The following DOCK1 variants were observed in gnomAD, a reference collection of about 807,000 sequenced individuals.
DOCK1 encodes the protein dedicator of cytokinesis protein 1.
In DOCK1, 138 loss-of-function variants were observed where a neutral mutation model predicts 262.7. That is an observed-to-expected ratio of 0.53 (90% CI 0.46 to 0.61). The LOEUF is 0.61. Ranked by LOEUF, DOCK1 falls within the 20% of genes least tolerant of loss-of-function variation. The pLI, the probability that DOCK1 is intolerant of heterozygous loss-of-function variation, is 0.00. For synonymous variants in DOCK1, 866 were observed against 867.4 expected (o/e 1.00, Z 0.03); for missense variants, 1,908 against 2,370.7 (o/e 0.80, Z 4.05).
At chr10:127,250,860 G>A (rs2059610484) in intron 28 of DOCK1, among the ~76,000 whole-genome samples, 1 of 148,994 alleles carries the variant, frequency 6.7e-6, no homozygotes, top group Admixed American at 6.7e-5. Flanking sequence ...ATTTAGACTG[G>A]AAAGTATGTG....
At chr10:127,292,848 G>A (rs927561762) in intron 29 of DOCK1, among the ~76,000 whole-genome samples, 1 of 152,116 alleles carries the variant, frequency 6.6e-6, no homozygotes, top group Non-Finnish European at 1.5e-5. Context: ...TCAACCCGCC[G>A]AGAGCTGATA....
At chr10:127,447,256 T>C in intron 50 of DOCK1, 138 bp from the exon 51 acceptor site, 2 of 1,268,264 alleles carry the variant, frequency 1.6e-6, no homozygotes, top group African/African-American at 1.5e-5. Flanking sequence ...CCTCATCTGC[T>C]CTGTTGACAA....
rs766127221 is a variant in DOCK1, at chr10:127,433,397, G to C, written c.5029G>C (p.Asp1677His). The C allele has an allele frequency of 1.9e-6, 3 of 1,613,936 alleles. No individual in the cohort carries two copies. Among genetic ancestry groups the C allele is most frequent in the Non-Finnish European group, 2.5e-6 (3 of 1,179,886 alleles). ...SVASVSSLSS[D>H]STPSRPGSDG... ...GGCCTCTGTCTCTTCCCTCTCATCG[G>C]ACAGCACCCCTTCCAGACCAGGCTC... Residue 1677 changes from aspartate (D) to histidine (H), a missense_variant, in exon 48 of 52, where the codon GAC (aspartate) becomes CAC (histidine). Coordinates refer to ENST00000623213, the MANE Select transcript of DOCK1 (RefSeq NM_001290223.2).
intron 29 of DOCK1, among the ~76,000 whole-genome samples, chr10:127,263,993 C>G (rs1222299798): frequency 6.6e-6 from 1 of 152,122 alleles, no homozygotes; most frequent in Non-Finnish European, 1.5e-5. Context: ...TCGAAGAAAC[C>G]GTTTCTTATT....
At chr10:127,312,031 ATTTTTGTATTT>A (rs1353790279) in intron 29 of DOCK1, among the ~76,000 whole-genome samples, 1 of 151,762 alleles carries the variant, frequency 6.6e-6, no homozygotes, top group Non-Finnish European at 1.5e-5. Context: ...CACCTGGCCA[ATTTTTGTATTT>A]TTAGTGGAGA....
chr10:127,108,529 T>G (rs1275072730), intron 24 of DOCK1, among the ~76,000 whole-genome samples: 1 of 152,140 alleles, frequency 6.6e-6, no homozygotes, highest in African/African-American at 2.4e-5. Flanking sequence ...GAAATTGCAG[T>G]GAGCCTGGAT....
chr10:126,971,938 C>T (rs933202577), intron 2 of DOCK1, among the ~76,000 whole-genome samples: 2 of 150,602 alleles, frequency 1.3e-5, no homozygotes, highest in Non-Finnish European at 3.0e-5. Context: ...TTTTTTGAGA[C>T]GGAGTTTTGC....
intron 18 of DOCK1, among the ~76,000 whole-genome samples, chr10:127,035,013 G>A (rs2135556907): frequency 6.6e-6 from 1 of 152,310 alleles, no homozygotes; most frequent in African/African-American, 2.4e-5. Flanking sequence ...AGCAGCAGCT[G>A]TTGCCAGGCA....
intron 19 of DOCK1, among the ~76,000 whole-genome samples, chr10:127,039,567 C>G (rs1174192811): frequency 6.6e-6 from 1 of 152,158 alleles, no homozygotes; most frequent in Non-Finnish European, 1.5e-5. Context: ...CCTGTCCAGC[C>G]CTTACCTACC....
intron 1 of DOCK1, among the ~76,000 whole-genome samples, chr10:126,950,030 GC>G (rs2036062633): frequency 6.6e-6 from 1 of 151,054 alleles, no homozygotes; most frequent in Admixed American, 6.6e-5. Context: ...TCTTTGAGGA[GC>G]CATCTAACAT....
intron 33 of DOCK1, among the ~76,000 whole-genome samples, chr10:127,365,639 A>G (rs1466939690): frequency 6.6e-6 from 1 of 152,188 alleles, no homozygotes; most frequent in African/African-American, 2.4e-5. Context: ...TCATTTTTTA[A>G]TCAGTCTTTG....
chr10:127,125,699 T>A, intron 26 of DOCK1, 98 bp downstream of exon 26: 1 of 1,499,252 alleles, frequency 6.7e-7, no homozygotes. Context: ...AAGGTCTTGA[T>A]TTTAAGGTCT....
intron 27 of DOCK1, among the ~76,000 whole-genome samples, chr10:127,231,765 T>C (rs1347494925): frequency 1.3e-5 from 2 of 152,212 alleles, no homozygotes; most frequent in African/African-American, 4.8e-5. Flanking sequence ...TTCTTGTTTG[T>C]GTTAGGCTTT....
In DOCK1 at chr10:127,045,190, T is replaced by G. The variant is rs545130212; in HGVS notation, c.2201+2026T>G. ...TCCAGCCTGGGCTACAGATCAAGAC[T>G]CTGTCTCAATAAAAAAAAAAAAAAA... On this transcript the variant is annotated intron_variant, in intron 21 of 51. Transcript: ENST00000623213. 4.0e-3 allele frequency among the ~76,000 whole-genome samples: 371 copies of G among 93,172 alleles called. 2 individuals are homozygous for G. The highest frequency in any genetic ancestry group is 8.0e-3 in the Admixed American group (48 of 5,998). The allele number at this position is 93,172 out of a possible 152,430, so 61.1% of individuals were successfully genotyped here.
intron 40 of DOCK1, among the ~76,000 whole-genome samples, chr10:127,408,147 A>C (rs536140240): frequency 5.5e-4 from 84 of 152,278 alleles, no homozygotes; most frequent in Non-Finnish European, 9.8e-4. Context: ...AATGACCTCA[A>C]CAAGACAGCC....
chr10:127,084,421 C>A (rs771753747), intron 23 of DOCK1, among the ~76,000 whole-genome samples: 7 of 152,182 alleles, frequency 4.6e-5, no homozygotes, highest in Non-Finnish European at 1.0e-4. Flanking sequence ...GGGAGCAATA[C>A]TGGGGTCGTG....
chr10:126,909,876 C>T lies in DOCK1; in HGVS notation c.46+4313C>T, dbSNP rs148638092. On this transcript the variant is annotated intron_variant, in intron 1 of 51. Transcript: ENST00000623213. ...ACAAGTGACTTCTGTGTGCGGTTAA[C>T]GGGTTGCTGGAAAAATGCCTTTCTT... Among the ~76,000 whole-genome samples, 10 of 152,286 alleles carry T rather than the reference C, an allele frequency of 6.6e-5. No homozygotes were observed. The East Asian group carries it at 1.3e-3, about 21-fold the overall frequency.
intron 31 of DOCK1, among the ~76,000 whole-genome samples, chr10:127,345,671 G>A (rs992818141): frequency 6.6e-6 from 1 of 152,206 alleles, no homozygotes; most frequent in Admixed American, 6.5e-5. Flanking sequence ...CTACCGAAGC[G>A]GCACGCAGCA....
chr10:127,122,691 A>G (rs2049680999), intron 25 of DOCK1, among the ~76,000 whole-genome samples: 1 of 152,014 alleles, frequency 6.6e-6, no homozygotes, highest in South Asian at 2.1e-4. Context: ...TATTGGGACA[A>G]AATGACAGTG....
Sources: gnomAD v4.1 joint callset for allele counts (sites outside exome capture counted in the v4.1 genomes callset) on GRCh38, gnomAD v4.1.1 for gene constraint, MANE v1.5 for transcripts, NCBI Gene and HGNC (gene_info 2026-07-23, HGNC 2026-07-21) for gene names.